RASGRF1: variants seen among roughly 807,000 people sequenced by gnomAD.
RASGRF1 encodes Ras protein specific guanine nucleotide releasing factor 1, also known as ras-specific guanine nucleotide-releasing factor 1.
In RASGRF1, 40 loss-of-function variants were observed where a neutral mutation model predicts 138.7. That is an observed-to-expected ratio of 0.29 (90% confidence interval 0.22 to 0.38). The LOEUF is 0.38. RASGRF1 is among the 10% of genes least tolerant of loss of function. The pLI is 1.00. For synonymous variants in RASGRF1, 614 were observed against 663.2 expected, an observed-to-expected ratio of 0.93 and a Z score of 1.14; for missense variants, 1,108 against 1,650.4, an observed-to-expected ratio of 0.67 and a Z score of 5.69.
intron 24 of RASGRF1, among the ~76,000 whole-genome samples, chr15:78,976,579 C>A (rs1174018216): frequency 2.0e-5 from 3 of 151,924 alleles, no homozygotes; most frequent in Non-Finnish European, 4.4e-5. Flanking sequence ...CACACACACA[C>A]ACACACCCAT....
chr15:78,978,752 G>C (rs2055941858), intron 24 of RASGRF1: 11 of 1,117,888 alleles, frequency 9.8e-6, no homozygotes, highest in Non-Finnish European at 1.2e-5. Context: ...CCTCAGGAGA[G>C]GGGGTGCGGG....
chr15:79,045,793 G>C (rs1440275887), intron 5 of RASGRF1, among the ~76,000 whole-genome samples: 4 of 152,226 alleles, frequency 2.6e-5, no homozygotes, highest in African/African-American at 7.2e-5. Flanking sequence ...GGAAGAGAAG[G>C]ACACAGGGAA....
chr15:79,010,689 C>T (rs1197203016), intron 13 of RASGRF1, among the ~76,000 whole-genome samples: 1 of 152,236 alleles, frequency 6.6e-6, no homozygotes, highest in Non-Finnish European at 1.5e-5. Context: ...CAGGCCTTGC[C>T]TGAAGGGTAA....
chr15:78,996,452 C>T (rs375929007), intron 19 of RASGRF1, among the ~76,000 whole-genome samples: 11 of 152,212 alleles, frequency 7.2e-5, no homozygotes, highest in African/African-American at 2.2e-4. Context: ...GCCGGGGCTG[C>T]GGGGAGTGGC....
At chr15:79,086,814 T>G (rs530841090) in intron 1 of RASGRF1, among the ~76,000 whole-genome samples, 4 of 152,116 alleles carry the variant, frequency 2.6e-5, no homozygotes, top group African/African-American at 9.6e-5. Context: ...GTGGGAAAAG[T>G]CGGGGTTGGG....
chr15:78,980,744 G>GTGTT, intron 23 of RASGRF1, 45 bp from the exon 24 acceptor site: 5 of 1,444,758 alleles, frequency 3.5e-6, no homozygotes, highest in African/African-American at 1.4e-5. Flanking sequence ...CACACGCTGT[G>GTGTT]ATCCCCGAGG....
chr15:78,997,072 C>T (rs992529451), intron 19 of RASGRF1, among the ~76,000 whole-genome samples: 1 of 152,208 alleles, frequency 6.6e-6, no homozygotes, highest in Non-Finnish European at 1.5e-5. Context: ...CTCATCCCAG[C>T]CTTGAAGCGG....
Position 78,961,908 on chromosome 15 carries a change from G to A in RASGRF1, c.*236C>T, listed in dbSNP as rs2055550208. On this transcript the variant is annotated 3_prime_UTR_variant, in exon 27 of 27. Transcript: ENST00000558480. ...GGAGTCTAGGGAAGAGGGACCAAGA[G>A]TACAGCTGTTTAAAAGAAACAGGCA... The A allele has an allele frequency of 2.1e-6, 1 of 474,004 alleles. No homozygotes were observed. The highest frequency in any genetic ancestry group is 3.8e-6 in the Non-Finnish European group (1 of 262,862). 29.4% of individuals were successfully genotyped at this position (474,004 alleles called of 1,614,324 possible).
rs773745576 is a variant in RASGRF1, at chr15:79,058,352, G to C, written c.513C>G (p.Ile171Met). ...CAGTCACCTCTGCCTTCAGCCGCTC[G>C]ATCTCGATCTCCCCATCCTCGATCT... ...RQQIEDGEIEIERLKAEITSL... is the reference protein window; with the variant it reads ...RQQIEDGEIEMERLKAEITSL... Residue 171 changes from isoleucine (I) to methionine (M), a missense_variant, in exon 3 of 27, where the codon ATC becomes ATG. Coordinates refer to ENST00000558480, the MANE Select transcript of RASGRF1 (RefSeq NM_001145648.3). 18 of 1,613,746 alleles carry C rather than the reference G, an allele frequency of 1.1e-5. No homozygotes were observed. The highest frequency in any genetic ancestry group is 1.5e-5 in the Non-Finnish European group (18 of 1,180,004).
rs540785891 is a variant in RASGRF1, at chr15:78,975,767, G to A, written c.3495-2347C>T. On this transcript the variant is annotated intron_variant, in intron 24 of 26. Coordinates refer to ENST00000558480, the MANE Select transcript of RASGRF1 (RefSeq NM_001145648.3). ...ACTCCTAAGCTCAAGTGATCTGCTCGCCTCAGCTTCCCAAAGTGCTCAGAT... is the reference window on the plus strand; with the variant it reads ...ACTCCTAAGCTCAAGTGATCTGCTCACCTCAGCTTCCCAAAGTGCTCAGAT... 3.2e-4 allele frequency among the ~76,000 whole-genome samples: 49 copies of A among 152,250 alleles called. 1 individual carries two copies. Among genetic ancestry groups the A allele is most frequent in the African/African-American group, 1.2e-3 (49 of 41,552 alleles).
chr15:78,995,570 T>C (rs569905620), intron 20 of RASGRF1, among the ~76,000 whole-genome samples, 170 bp downstream of exon 20: 3 of 152,368 alleles, frequency 2.0e-5, no homozygotes, highest in African/African-American at 7.2e-5. Flanking sequence ...ATTACAGGCA[T>C]GAGCCACTGC....
rs967116109 is a variant in RASGRF1 at position 79,046,578 on chromosome 15, C to A, written c.878+168G>T. ...ATTTGTGCCCCTGCCCCAGACCCCA[C>A]AATTATTGGGGTTGGTGGTTTCTAG... On this transcript the variant is annotated intron_variant, in intron 5 of 26. Transcript: ENST00000558480. This position sits in a 1 kb window ranked among gnomAD's most constrained non-coding sequence, Gnocchi z 5.3. Among the ~76,000 whole-genome samples, 1 of 152,194 alleles carries A rather than the reference C, an allele frequency of 6.6e-6. No homozygotes were observed. The highest frequency in any genetic ancestry group is 2.4e-5 in the African/African-American group (1 of 41,452).
intron 5 of RASGRF1, among the ~76,000 whole-genome samples, chr15:79,041,998 G>A (rs901766887): frequency 1.3e-5 from 2 of 152,176 alleles, no homozygotes; most frequent in Non-Finnish European, 2.9e-5. Context: ...TCTTGTCATG[G>A]GCAACACCTG....
intron 13 of RASGRF1, 63 bp downstream of exon 13, chr15:79,015,264 G>A: frequency 4.6e-6 from 7 of 1,507,002 alleles, no homozygotes; most frequent in Non-Finnish European, 6.5e-6. Flanking sequence ...TGTCCTGGCT[G>A]TCACCTTGTG....
At chr15:79,081,529 T>C (rs1022726244) in intron 1 of RASGRF1, among the ~76,000 whole-genome samples, 3 of 152,192 alleles carry the variant, frequency 2.0e-5, no homozygotes, top group Admixed American at 6.5e-5. Flanking sequence ...CTTTGTGACA[T>C]AGCACACAGG....
chr15:79,064,497 C>A lies in RASGRF1; in HGVS notation c.306G>T (p.Glu102Asp), dbSNP rs781006055. 6.2e-7 allele frequency: 1 copy of A among 1,614,214 alleles called. No homozygotes were observed. Among genetic ancestry groups the A allele is most frequent in the South Asian group, 1.1e-5 (1 of 91,074 alleles). The change falls in exon 2 of 27, where the codon GAG (glutamate) becomes GAT (aspartate). Residue 102 changes from glutamate to aspartate, a missense_variant. This residue lies in a region of RASGRF1 where 253 missense variants were observed against 329.5 expected (regional missense o/e 0.77). Transcript: ENST00000558480. Reference sequence around the variant, plus strand: ...TCCTCAGCTCCAAGGCTTTCTGGTTCTCATGGCTGAAGTTCACCGTGAAGT... The same window carrying A: ...TCCTCAGCTCCAAGGCTTTCTGGTTATCATGGCTGAAGTTCACCGTGAAGT... ...QHYFTVNFSH[E>D]NQKALELRTE...
At chr15:79,082,644 A>G (rs2057928545) in intron 1 of RASGRF1, among the ~76,000 whole-genome samples, 1 of 152,198 alleles carries the variant, frequency 6.6e-6, no homozygotes, top group Non-Finnish European at 1.5e-5. Context: ...GTGGAGGAAG[A>G]GAGGGACAGA....
chr15:78,980,077 C>T (rs2055987076), intron 24 of RASGRF1: 1 of 152,422 alleles, frequency 6.6e-6, no homozygotes, highest in Non-Finnish European at 1.5e-5. Flanking sequence ...GGCTGAGGAC[C>T]CCGCCGTGTG....
rs2057648581 is a variant in RASGRF1 at position 79,064,401 on chromosome 15, C to G, written c.383+19G>C. The G allele has an allele frequency of 6.2e-7, 1 of 1,610,268 alleles. No individual in the cohort carries two copies. Among genetic ancestry groups the G allele is most frequent in the South Asian group, 1.1e-5 (1 of 90,970 alleles). On this transcript the variant is annotated intron_variant, in intron 2 of 26. Transcript: ENST00000558480. ...GGACTGTGGAGTAGGGGCTTCCTGC[C>G]CTGGGCAAGGAGACATACCTGGCAT...
Sources: allele counts gnomAD v4.1 joint callset (sites outside exome capture counted in the v4.1 genomes callset), GRCh38; gene constraint gnomAD v4.1.1; regional missense constraint gnomAD v4.1.1; non-coding constraint Gnocchi (gnomAD v3.1); transcripts MANE v1.5; gene names NCBI Gene and HGNC (gene_info 2026-07-23, HGNC 2026-07-21).